IL1RAPL2: variants seen among roughly 807,000 people sequenced by gnomAD.
IL1RAPL2 encodes the protein X-linked interleukin-1 receptor accessory protein-like 2.
In IL1RAPL2, 3 loss-of-function variants were observed where a neutral mutation model predicts 44.1. That is an observed-to-expected ratio of 0.07 (90% confidence interval 0.03 to 0.18). The LOEUF is 0.18. Ranked by LOEUF, IL1RAPL2 falls within the 10% of genes least tolerant of loss-of-function variation. IL1RAPL2 has a pLI of 1.00. For synonymous variants in IL1RAPL2, 181 were observed against 178.8 expected, an observed-to-expected ratio of 1.01 and a Z score of -0.10; for missense variants, 391 against 496.4, an observed-to-expected ratio of 0.79 and a Z score of 2.02.
At chrX:105,754,091 G>T (rs893140674) in intron 9 of IL1RAPL2, among the ~76,000 whole-genome samples, 8 of 112,005 alleles carry the variant, frequency 7.1e-5, no homozygotes, top group African/African-American at 2.6e-4. Context: ...TTCTAATTAG[G>T]TATGTTTTAA....
At chrX:104,978,759 G>T (rs2030382990) in intron 2 of IL1RAPL2, among the ~76,000 whole-genome samples, 1 of 111,831 alleles carries the variant, frequency 8.9e-6, no homozygotes, top group African/African-American at 3.2e-5. Context: ...CATAAAAGCT[G>T]CTAAAACCTA....
At position 104,591,562 on chromosome X, in the gene IL1RAPL2, A is replaced by G. The variant is rs148727457; in HGVS notation, c.-20+24511A>G. The stretch of plus-strand genomic sequence containing the variant: ...ATGAATGATGAAATATCCTTTGTGT[A>G]TAAGGCAATTGTGTTGGTTATAGAA... On this transcript the variant is annotated intron_variant, in intron 1 of 10. Transcript: ENST00000372582. Among the ~76,000 whole-genome samples the G allele has an allele frequency of 2.5e-4, 28 of 110,005 alleles. 2 individuals carry two copies. The East Asian group carries it at 6.3e-3, about 25-fold the overall frequency.
intron 5 of IL1RAPL2, among the ~76,000 whole-genome samples, chrX:105,332,467 A>G (rs2034994275): frequency 9.0e-6 from 1 of 111,345 alleles, no homozygotes; most frequent in Non-Finnish European, 1.9e-5. Flanking sequence ...TTTCTGAAGG[A>G]TGCCAACTTT....
chrX:104,802,548 C>T (rs5917147), intron 2 of IL1RAPL2, among the ~76,000 whole-genome samples: 4 of 108,975 alleles, frequency 3.7e-5, no homozygotes, highest in South Asian at 7.8e-4. Context: ...ATTGGTGTGA[C>T]GGCCCGCACA....
chrX:105,479,825 G>C (rs2036222755), intron 5 of IL1RAPL2, among the ~76,000 whole-genome samples: 1 of 110,652 alleles, frequency 9.0e-6, no homozygotes, highest in African/African-American at 3.3e-5. Context: ...AAGTTATTAA[G>C]GCTAGACTAT....
intron 2 of IL1RAPL2, among the ~76,000 whole-genome samples, chrX:104,668,460 A>G (rs1033483124): frequency 1.7e-4 from 16 of 96,492 alleles, no homozygotes; most frequent in African/African-American, 6.0e-4. Context: ...ATATCTCCTA[A>G]TGCTATCCCT....
chrX:105,747,761 C>T (rs1026673393), intron 8 of IL1RAPL2, among the ~76,000 whole-genome samples: 6 of 108,112 alleles, frequency 5.5e-5, no homozygotes, highest in African/African-American at 2.0e-4. Flanking sequence ...TGACAGTGCC[C>T]CAGAATTGAT....
At chrX:104,889,780 CTTTA>C (rs1923365468) in intron 2 of IL1RAPL2, among the ~76,000 whole-genome samples, 1 of 102,232 alleles carries the variant, frequency 9.8e-6, no homozygotes, top group Non-Finnish European at 2.0e-5. Context: ...TGAAATCTAT[CTTTA>C]TTTTACAATC....
intron 5 of IL1RAPL2, among the ~76,000 whole-genome samples, chrX:105,439,359 A>G (rs1188704218): frequency 9.0e-6 from 1 of 110,774 alleles, no homozygotes; most frequent in Non-Finnish European, 1.9e-5. Context: ...TTGATCCTGT[A>G]TGTTTGAGCC....
At chrX:105,146,219 T>A (rs7890562) in intron 2 of IL1RAPL2, among the ~76,000 whole-genome samples, 2,307 of 111,554 alleles carry the variant, frequency 0.021, 62 homozygotes, top group African/African-American at 0.072. Context: ...TATATCCTAC[T>A]CTGCTTTCTA....
intron 6 of IL1RAPL2, among the ~76,000 whole-genome samples, chrX:105,576,316 C>A (rs1285212779): frequency 9.0e-6 from 1 of 111,158 alleles, no homozygotes; most frequent in African/African-American, 3.3e-5. Context: ...TTTGATCCAT[C>A]TTGAGTTGAT....
chrX:105,503,995 C>T (rs1008950705), intron 6 of IL1RAPL2, among the ~76,000 whole-genome samples: 1 of 90,208 alleles, frequency 1.1e-5, no homozygotes, highest in Non-Finnish European at 1.9e-5. Flanking sequence ...CAAATAAAGT[C>T]AATTCACAGG....
At chrX:104,914,255 A>G (rs1031246002) in intron 2 of IL1RAPL2, among the ~76,000 whole-genome samples, 3 of 111,901 alleles carry the variant, frequency 2.7e-5, no homozygotes, top group Admixed American at 9.5e-5. Context: ...GAAATTGTGG[A>G]GTAATTACTT....
At chrX:104,655,925 A>G (rs1930247126) in intron 1 of IL1RAPL2, among the ~76,000 whole-genome samples, 2 of 111,632 alleles carry the variant, frequency 1.8e-5, no homozygotes. Context: ...CGAGGAATTT[A>G]TCCATTTCTT....
At chrX:105,081,256 T>G (rs191646358) in intron 2 of IL1RAPL2, among the ~76,000 whole-genome samples, 29 of 111,500 alleles carry the variant, frequency 2.6e-4, no homozygotes, top group African/African-American at 9.4e-4. Flanking sequence ...AGTACTATGT[T>G]GAATAGGAAT....
intron 5 of IL1RAPL2, among the ~76,000 whole-genome samples, chrX:105,421,702 T>C (rs1358151861): frequency 1.8e-5 from 2 of 111,508 alleles, no homozygotes; most frequent in African/African-American, 6.5e-5. Flanking sequence ...CACATTACTC[T>C]GAAGTCCATA....
intron 4 of IL1RAPL2, among the ~76,000 whole-genome samples, chrX:105,253,866 A>G (rs2034292818): frequency 8.9e-6 from 1 of 111,960 alleles, no homozygotes; most frequent in African/African-American, 3.2e-5. Context: ...CCATGTTCCC[A>G]TAAAAGACTT....
In IL1RAPL2 at chrX:104,617,642, A is replaced by G. The variant is rs1461520462; in HGVS notation, c.-19-41253A>G. ...TTATTCTGCTTGGTTCAATCTGTTG[A>G]TAAAGATTTCAGTTATATTCTGAAG... On this transcript the variant is annotated intron_variant, in intron 1 of 10. Coordinates refer to ENST00000372582, the MANE Select transcript of IL1RAPL2 (RefSeq NM_017416.2). 7.1e-5 allele frequency among the ~76,000 whole-genome samples: 8 copies of G among 112,073 alleles called. No homozygotes were observed. In the Admixed American group the frequency reaches 7.6e-4, roughly 11 times the overall value.
intron 6 of IL1RAPL2, among the ~76,000 whole-genome samples, chrX:105,638,257 T>C: frequency 8.9e-6 from 1 of 111,784 alleles, no homozygotes. Flanking sequence ...TAAAGTTTCT[T>C]CTTTTCTTTT....
Sources: allele counts gnomAD v4.1 joint callset (sites outside exome capture counted in the v4.1 genomes callset), GRCh38; gene constraint gnomAD v4.1.1; transcripts MANE v1.5; gene names NCBI Gene and HGNC (gene_info 2026-07-23, HGNC 2026-07-21).